The following OLFM1 variants were observed in gnomAD, a reference collection of about 807,000 sequenced individuals.
OLFM1 encodes the protein noelin.
In OLFM1, 9 loss-of-function variants were observed where a neutral mutation model predicts 49.7. The observed-to-expected ratio is 0.18, with a 90% CI of 0.11 to 0.32. The LOEUF (loss-of-function observed/expected upper bound fraction) is 0.32. OLFM1 is among the 10% of genes least tolerant of loss of function. The probability of loss-of-function intolerance (pLI) is 1.00; values close to 1 mark genes in which losing one functional copy is unlikely to be tolerated. For synonymous variants in OLFM1, 240 were observed against 271.8 expected (o/e 0.88, Z 1.15); for missense variants, 369 against 661.8 (o/e 0.56, Z 4.85).
intron 4 of OLFM1, among the ~76,000 whole-genome samples, chr9:135,101,301 G>A (rs1248850165): frequency 6.6e-6 from 1 of 152,188 alleles, no homozygotes; most frequent in Non-Finnish European, 1.5e-5. Flanking sequence ...CTGGTGTGAA[G>A]TGTGACTGCA....
upstream of OLFM1, among the ~76,000 whole-genome samples, chr9:135,086,957 G>C (rs1328404199): frequency 6.6e-6 from 1 of 152,166 alleles, no homozygotes; most frequent in African/African-American, 2.4e-5. Context: ...CTGAGCCCCA[G>C]ACCTTATGCA....
chr9:135,089,642 A>G (rs538224178), intron 1 of OLFM1, among the ~76,000 whole-genome samples: 1 of 152,292 alleles, frequency 6.6e-6, no homozygotes, highest in African/African-American at 2.4e-5. Flanking sequence ...AGGTTGCTGT[A>G]GCTCGGGGTT....
In OLFM1 at chr9:135,076,780, C is replaced by T. The variant is rs796090878; in HGVS notation, c.96+978C>T. 19 of 1,509,202 alleles carry T rather than the reference C, an allele frequency of 1.3e-5. No individual in the cohort carries two copies. The African/African-American group carries it at 2.6e-4, about 21-fold the overall frequency. The allele number at this position is 1,509,202 out of a possible 1,614,324, so 93.5% of individuals were successfully genotyped here. ...CAAGCCCCAGCTGCCCCTGACCCTTCTTTCCTTCCTCCCTTCCTCCATCTC... is the reference window on the plus strand; with the variant it reads ...CAAGCCCCAGCTGCCCCTGACCCTTTTTTCCTTCCTCCCTTCCTCCATCTC... On this transcript the variant is annotated intron_variant, in intron 1 of 5. Transcript: ENST00000252854.
intron 1 of OLFM1, chr9:135,075,821 A>C: frequency 6.3e-7 from 1 of 1,590,712 alleles, no homozygotes; most frequent in Non-Finnish European, 8.6e-7. Flanking sequence ...ATCCAACGCC[A>C]TTTTCCTCCC....
At chr9:135,101,788 T>C (rs1830873922) in intron 4 of OLFM1, among the ~76,000 whole-genome samples, 1 of 152,212 alleles carries the variant, frequency 6.6e-6, no homozygotes, top group Non-Finnish European at 1.5e-5. Context: ...CAGTGCACGA[T>C]GCTGCTCTAC....
At chr9:135,091,727 A>G (rs574060020) in intron 2 of OLFM1, among the ~76,000 whole-genome samples, 34 of 16,286 alleles carry the variant, frequency 2.1e-3, no homozygotes, top group African/African-American at 7.5e-3. Flanking sequence ...TCACACACTC[A>G]TAGTCACACA....
chr9:135,080,168 A>G lies in OLFM1; in HGVS notation c.96+4366A>G, dbSNP rs753890897. Among the ~76,000 whole-genome samples the G allele has an allele frequency of 2.0e-5, 3 of 151,936 alleles. No homozygotes were observed. Among genetic ancestry groups the G allele is most frequent in the Non-Finnish European group, 4.4e-5 (3 of 67,992 alleles). ...CTTCACTGCCCTGAGCAAATCCAAC[A>G]AGTAGAAACGGCTAAACACTTTTAC... On this transcript the variant is annotated intron_variant, in intron 1 of 5. Transcript: ENST00000252854. The surrounding 1 kb of genome is among the most constrained non-coding windows in gnomAD (Gnocchi z 4.5).
chr9:135,076,075 T>C, intron 1 of OLFM1: 1 of 1,473,466 alleles, frequency 6.8e-7, no homozygotes, highest in South Asian at 1.4e-5. Flanking sequence ...TGCCCCCGAC[T>C]CCCTGCTGAG....
chr9:135,109,418 G>A (rs1830991180), intron 5 of OLFM1, among the ~76,000 whole-genome samples: 1 of 152,138 alleles, frequency 6.6e-6, no homozygotes, highest in African/African-American at 2.4e-5. Context: ...AGGAAAAGAG[G>A]CTCTGATGGT....
intron 5 of OLFM1, among the ~76,000 whole-genome samples, chr9:135,115,634 C>T (rs980069470): frequency 3.9e-5 from 6 of 152,222 alleles, no homozygotes; most frequent in Non-Finnish European, 8.8e-5. Context: ...GCCAGCAGCA[C>T]TTTCCCCACT....
upstream of OLFM1, chr9:135,086,773 G>T (rs953592292): frequency 4.4e-6 from 2 of 451,764 alleles, no homozygotes; most frequent in African/African-American, 4.0e-5. Context: ...GGCAGCGTGC[G>T]CCACTTGCCC....
rs757149862 is a variant in OLFM1 at position 135,099,422 on chromosome 9, C to CCA, written c.676+929_676+930dup. Among the ~76,000 whole-genome samples, 29 of 151,788 alleles carry CCA rather than the reference C, an allele frequency of 1.9e-4. 1 individual carries two copies. Among genetic ancestry groups the CCA allele is most frequent in the Non-Finnish European group, 2.9e-4 (20 of 67,950 alleles). On this transcript the variant is annotated intron_variant, in intron 4 of 5. Transcript: ENST00000371793. ...TACCTTTTTATTTCTACTCTCCCTT[C>CCA]CACACACACACACTCCAAGTGCCTT...
intron 1 of OLFM1, among the ~76,000 whole-genome samples, chr9:135,078,661 GC>G (rs1485477823): frequency 6.6e-6 from 1 of 152,252 alleles, no homozygotes; most frequent in African/African-American, 2.4e-5. Context: ...AGCTTCCGGG[GC>G]AGGGTCCAGA....
intron 4 of OLFM1, among the ~76,000 whole-genome samples, chr9:135,100,485 G>A (rs1403798507): frequency 6.6e-6 from 1 of 152,218 alleles, no homozygotes; most frequent in East Asian, 1.9e-4. Flanking sequence ...GAGTGCAGCT[G>A]CCTGGTTTCA....
intron 2 of OLFM1, among the ~76,000 whole-genome samples, chr9:135,091,118 G>C (rs953684902): frequency 3.3e-5 from 5 of 152,148 alleles, no homozygotes; most frequent in Non-Finnish European, 7.4e-5. Flanking sequence ...GTGGGCACTC[G>C]GACCCACATG....
rs757987829 is a variant in OLFM1, at chr9:135,106,730, C to T, written c.677-19C>T. 9 of 1,609,006 alleles carry T rather than the reference C, an allele frequency of 5.6e-6. No individual in the cohort carries two copies. Among genetic ancestry groups the T allele is most frequent in the Non-Finnish European group, 6.8e-6 (8 of 1,177,058 alleles). On this transcript the variant is annotated intron_variant, in intron 4 of 5. Transcript: ENST00000371793. ...GGGGCCCCCGCCCTCCCTCTCCTGA[C>T]CTGCGTGCTCTTTTCCAGCTTGCGG...
chr9:135,109,417 G>A (rs1830991129), intron 5 of OLFM1, among the ~76,000 whole-genome samples: 1 of 152,146 alleles, frequency 6.6e-6, no homozygotes, highest in African/African-American at 2.4e-5. Context: ...CAGGAAAAGA[G>A]GCTCTGATGG....
upstream of OLFM1, among the ~76,000 whole-genome samples, chr9:135,086,081 G>A (rs1830592453): frequency 6.6e-6 from 1 of 152,254 alleles, no homozygotes; most frequent in African/African-American, 2.4e-5. Context: ...AGCGGGAAGC[G>A]GCGTGAGTGA....
At chr9:135,108,643 AAAC>A (rs1360414777) in intron 5 of OLFM1, among the ~76,000 whole-genome samples, 1 of 151,948 alleles carries the variant, frequency 6.6e-6, no homozygotes, top group African/African-American at 2.4e-5. Flanking sequence ...AAAAAAAAAA[AAAC>A]AAAAAAAACA....
Sources: allele counts gnomAD v4.1 joint callset (sites outside exome capture counted in the v4.1 genomes callset), GRCh38; gene constraint gnomAD v4.1.1; non-coding constraint Gnocchi (gnomAD v3.1); transcripts MANE v1.5; gene names NCBI Gene and HGNC (gene_info 2026-07-23, HGNC 2026-07-21).